Variants in HABP4 observed in about 807,000 individuals in gnomAD.
HABP4 encodes intracellular hyaluronan-binding protein 4.
A neutral mutation model predicts 44.1 loss-of-function variants in HABP4; 32 were observed. The ratio of observed to expected loss-of-function variants is 0.73; its 90% CI spans 0.55 to 0.97. The LOEUF (loss-of-function observed/expected upper bound fraction) is 0.97. Among genes scored for constraint, HABP4 ranks in the 50% least tolerant of loss-of-function variants. The probability of loss-of-function intolerance (pLI) is 0.00; values close to 1 mark genes in which losing one functional copy is unlikely to be tolerated. For missense variants in HABP4, 503 were observed against 561.9 expected, an observed-to-expected ratio of 0.90 and a Z score of 1.06; for synonymous variants, 216 against 218.0, an observed-to-expected ratio of 0.99 and a Z score of 0.08.
chr9:96,475,390 CAAAAAAA>C (rs61553823), intron 5 of HABP4, among the ~76,000 whole-genome samples: 12 of 94,128 alleles, frequency 1.3e-4, no homozygotes, highest in Admixed American at 1.0e-3. Flanking sequence ...ACAACAACAA[CAAAAAAA>C]AAAAAAAAAA....
chr9:96,481,719 C>T (rs1832883213), intron 5 of HABP4, among the ~76,000 whole-genome samples: 2 of 152,060 alleles, frequency 1.3e-5, no homozygotes, highest in Non-Finnish European at 2.9e-5. Context: ...GTACTCCAGC[C>T]TGGCCAACAG....
intron 6 of HABP4, among the ~76,000 whole-genome samples, chr9:96,486,060 C>T (rs1271276818): frequency 3.3e-5 from 5 of 152,038 alleles, no homozygotes; most frequent in Non-Finnish European, 4.4e-5. Flanking sequence ...GGGCGGTTGG[C>T]GGGTGCCTGT....
chr9:96,465,514 A>G lies in HABP4; in HGVS notation c.674+16A>G. 1 of 1,564,808 alleles carries G rather than the reference A, an allele frequency of 6.4e-7. No homozygotes were observed. Among genetic ancestry groups the G allele is most frequent in the South Asian group, 1.1e-5 (1 of 90,016 alleles). On this transcript the variant is annotated intron_variant, in intron 3 of 7. Transcript: ENST00000375249. ...ATGACAAAATGTAAGTTTCTTTGTA[A>G]ATGCTATTTTCACTTTAAGATGGTG...
intron 5 of HABP4, among the ~76,000 whole-genome samples, chr9:96,475,387 C>CAAAAAA (rs1466053325): frequency 2.5e-4 from 17 of 67,934 alleles, no homozygotes; most frequent in African/African-American, 1.9e-3. Context: ...ACAACAACAA[C>CAAAAAA]AACAAAAAAA....
intron 5 of HABP4, among the ~76,000 whole-genome samples, chr9:96,474,756 A>C (rs1185987191): frequency 6.6e-6 from 1 of 152,152 alleles, no homozygotes; most frequent in Non-Finnish European, 1.5e-5. Flanking sequence ...AGTGATAGCG[A>C]TGCTCTCTGG....
At chr9:96,458,626 CTTTT>C (rs372291268) in intron 2 of HABP4, 85 bp downstream of exon 2, 423 of 646,746 alleles carry the variant, frequency 6.5e-4, no homozygotes, top group Middle Eastern at 1.4e-3. Context: ...TTCTTTCTTT[CTTTT>C]TTTTTTTTTT....
At chr9:96,489,478 T>C (rs1269213160) in intron 7 of HABP4, among the ~76,000 whole-genome samples, 3 of 147,488 alleles carry the variant, frequency 2.0e-5, no homozygotes, top group Non-Finnish European at 3.0e-5. Context: ...TGCTCATCCA[T>C]TGAGGTTCAT....
chr9:96,490,235 A>T lies in HABP4; in HGVS notation c.*197A>T. ...CGAGAGCAGGCCATTTCCCAAGAAGATGAAGAATGGTGACTGTGTTTTTAT... is the reference window on the plus strand; with the variant it reads ...CGAGAGCAGGCCATTTCCCAAGAAGTTGAAGAATGGTGACTGTGTTTTTAT... On this transcript the variant is annotated 3_prime_UTR_variant, in exon 8 of 8. Coordinates refer to ENST00000375249, the MANE Select transcript of HABP4 (RefSeq NM_014282.4). 1 of 588,400 alleles carries T rather than the reference A, an allele frequency of 1.7e-6. No homozygotes were observed. The highest frequency in any genetic ancestry group is 3.0e-6 in the Non-Finnish European group (1 of 330,940). The allele number at this position is 588,400 out of a possible 1,614,324, so 36.4% of individuals were successfully genotyped here.
At chr9:96,480,138 G>T (rs975053262) in intron 5 of HABP4, among the ~76,000 whole-genome samples, 2 of 152,088 alleles carry the variant, frequency 1.3e-5, no homozygotes, top group African/African-American at 4.8e-5. Context: ...TCATACCACC[G>T]CACTCCAGCC....
At chr9:96,486,049 C>T (rs1260043028) in intron 6 of HABP4, among the ~76,000 whole-genome samples, 9 of 151,944 alleles carry the variant, frequency 5.9e-5, no homozygotes, top group African/African-American at 1.5e-4. Flanking sequence ...AAAAACTAGC[C>T]GGGCGGTTGG....
intron 6 of HABP4, among the ~76,000 whole-genome samples, chr9:96,486,659 G>GC (rs996423480): frequency 2.0e-5 from 3 of 151,938 alleles, no homozygotes; most frequent in African/African-American, 7.2e-5. Context: ...GAAGATTTTA[G>GC]CTAGGAATTG....
intron 4 of HABP4, among the ~76,000 whole-genome samples, chr9:96,467,229 TA>T (rs1325622791): frequency 2.0e-5 from 3 of 152,086 alleles, no homozygotes; most frequent in African/African-American, 7.2e-5. Context: ...GGCCAGAATA[TA>T]AGCTTTTTAC....
intron 1 of HABP4, chr9:96,451,633 A>G (rs932348419): frequency 2.2e-5 from 4 of 181,732 alleles, no homozygotes; most frequent in Non-Finnish European, 4.2e-5. Context: ...TTTAAGTATT[A>G]GGGCTTTGAT....
intron 5 of HABP4, among the ~76,000 whole-genome samples, chr9:96,475,941 G>A (rs1333475252): frequency 6.6e-6 from 1 of 151,996 alleles, no homozygotes; most frequent in Non-Finnish European, 1.5e-5. Context: ...TATCCGATTA[G>A]TAAAGCTTTA....
chr9:96,475,946 G>C (rs967564172), intron 5 of HABP4, among the ~76,000 whole-genome samples: 2 of 151,960 alleles, frequency 1.3e-5, no homozygotes, highest in Non-Finnish European at 2.9e-5. Flanking sequence ...GATTAGTAAA[G>C]CTTTATTTCT....
At chr9:96,479,385 T>C (rs1337968918) in intron 5 of HABP4, among the ~76,000 whole-genome samples, 3 of 152,142 alleles carry the variant, frequency 2.0e-5, no homozygotes, top group Non-Finnish European at 4.4e-5. Flanking sequence ...ATCACCAGTT[T>C]CATAAACATT....
chr9:96,479,762 T>C (rs1304614593), intron 5 of HABP4, among the ~76,000 whole-genome samples: 1 of 152,126 alleles, frequency 6.6e-6, no homozygotes, highest in Non-Finnish European at 1.5e-5. Flanking sequence ...CAACTGGCCT[T>C]GGCCTCCCAA....
At chr9:96,454,035 T>A (rs960154231) in intron 1 of HABP4, among the ~76,000 whole-genome samples, 1 of 152,208 alleles carries the variant, frequency 6.6e-6, no homozygotes, top group Admixed American at 6.5e-5. Context: ...ATTATTCTAA[T>A]AAGTAGCCAA....
chr9:96,458,656 T>C (rs1366483824), intron 2 of HABP4, 115 bp downstream of exon 2: 2 of 705,348 alleles, frequency 2.8e-6, no homozygotes, highest in Non-Finnish European at 4.5e-6. Flanking sequence ...ACAGTTTCGC[T>C]CTTGTCGCCC....
Sources: gnomAD v4.1 joint callset for allele counts (sites outside exome capture counted in the v4.1 genomes callset) on GRCh38, gnomAD v4.1.1 for gene constraint, MANE v1.5 for transcripts, NCBI Gene and HGNC (gene_info 2026-07-23, HGNC 2026-07-21) for gene names.